Variants in AHCYL2 observed in about 807,000 individuals in gnomAD.
AHCYL2 encodes adenosylhomocysteinase like 2, also known as S-adenosylhomocysteine hydrolase-like protein 2.
AHCYL2 carries 28 observed loss-of-function variants against 81.4 expected under a neutral mutation model. The observed-to-expected ratio is 0.34, with a 90% CI of 0.25 to 0.47. AHCYL2 has a LOEUF of 0.47. Ranked by LOEUF, AHCYL2 falls within the 20% of genes least tolerant of loss-of-function variation. AHCYL2 has a pLI of 1.00. For synonymous variants in AHCYL2, 272 were observed against 290.2 expected, an observed-to-expected ratio of 0.94 and a Z score of 0.64; for missense variants, 551 against 785.1, an observed-to-expected ratio of 0.70 and a Z score of 3.56.
In AHCYL2 at chr7:129,397,088, G is replaced by A. The variant is rs962555439; in HGVS notation, c.721-134G>A. On this transcript the variant is annotated intron_variant, in intron 4 of 16. Transcript: ENST00000325006. Reference sequence around the variant, plus strand: ...CTTCTTAGAATACTGAAGAGGTTCTGTAGAGCCCAATTTGAAAATCACTGG... The same window carrying A: ...CTTCTTAGAATACTGAAGAGGTTCTATAGAGCCCAATTTGAAAATCACTGG... 5 of 698,236 alleles carry A rather than the reference G, an allele frequency of 7.2e-6. No homozygotes were observed. The African/African-American group carries it at 7.2e-5, about 10-fold the overall frequency. The allele number at this position is 698,236 out of a possible 1,614,324, so 43.3% of individuals were successfully genotyped here. A position where few individuals can be genotyped will look rare whatever the true frequency, so the allele number is the denominator to read the frequency against.
At position 129,365,628 on chromosome 7, in the gene AHCYL2, G is replaced by GTATATATATATATATATATATATATATA. The variant is rs10526470; in HGVS notation, c.364-13993_364-13992insATATATATATATATATATATATATATAT. 2.1e-3 allele frequency among the ~76,000 whole-genome samples: 257 copies of GTATATATATATATATATATATATATATA among 124,240 alleles called. 12 individuals are homozygous for GTATATATATATATATATATATATATATA. Among genetic ancestry groups the GTATATATATATATATATATATATATATA allele is most frequent in the South Asian group, 4.4e-3 (16 of 3,660 alleles). 81.5% of individuals were successfully genotyped at this position (124,240 alleles called of 152,430 possible). The stretch of plus-strand genomic sequence containing the variant: ...TAATACAGTTTACCTGGAGGATAGA[G>GTATATATATATATATATATATATATATA]TATATATATATATATATGGGTATGA... On this transcript the variant is annotated intron_variant, in intron 1 of 16. Coordinates refer to ENST00000325006, the MANE Select transcript of AHCYL2 (RefSeq NM_015328.4).
At position 129,406,010 on chromosome 7, in the gene AHCYL2, GAA is replaced by G. The variant is rs1191624478; in HGVS notation, c.1206+115_1206+116del. 2.0e-6 allele frequency: 2 copies of G among 1,018,062 alleles called. No individual in the cohort carries two copies. Among genetic ancestry groups the G allele is most frequent in the African/African-American group, 3.2e-5 (2 of 61,712 alleles). The allele number at this position is 1,018,062 out of a possible 1,614,324, so 63.1% of individuals were successfully genotyped here. On this transcript the variant is annotated intron_variant, in intron 9 of 16. Coordinates refer to ENST00000325006, the MANE Select transcript of AHCYL2 (RefSeq NM_015328.4). The surrounding 1 kb of genome is among the most constrained non-coding windows in gnomAD (Gnocchi z 4.3). ...GTACACCCTTTACCACTTTAGATGA[GAA>G]AAAGAATTTCAGAGGCCTTCTGGTT...
At chr7:129,233,226 C>G (rs138340849) in intron 1 of AHCYL2, among the ~76,000 whole-genome samples, 43 of 152,264 alleles carry the variant, frequency 2.8e-4, no homozygotes, top group African/African-American at 9.1e-4. Context: ...CCTCTCTCAC[C>G]CAGGCTGGAG....
rs1052024272 is a variant in AHCYL2, at chr7:129,419,589, A to G, written c.1462-3251A>G. On this transcript the variant is annotated intron_variant, in intron 12 of 16. Transcript: ENST00000325006. This position sits in a 1 kb window ranked among gnomAD's most constrained non-coding sequence, Gnocchi z 4.7. ...AGACCTGCTTACCCATGTGTATCAC[A>G]TAGAAGGCCTGTGTAATTGTAAGCT... Among the ~76,000 whole-genome samples the G allele has an allele frequency of 1.3e-5, 2 of 152,192 alleles. No homozygotes were observed. The highest frequency in any genetic ancestry group is 6.5e-5 in the Admixed American group (1 of 15,274).
At chr7:129,339,958 G>T (rs1343793093) in intron 1 of AHCYL2, among the ~76,000 whole-genome samples, 5 of 119,812 alleles carry the variant, frequency 4.2e-5, no homozygotes, top group Non-Finnish European at 8.0e-5. Flanking sequence ...TCGCTCCGTC[G>T]CCCAGGCTGG....
At chr7:129,283,577 A>T (rs1796524793) in intron 1 of AHCYL2, among the ~76,000 whole-genome samples, 1 of 152,172 alleles carries the variant, frequency 6.6e-6, no homozygotes, top group Non-Finnish European at 1.5e-5. Flanking sequence ...AATTTTCTAG[A>T]CTTTAAAATT....
At chr7:129,413,034 C>T (rs1796667207) in intron 11 of AHCYL2, among the ~76,000 whole-genome samples, 2 of 148,400 alleles carry the variant, frequency 1.3e-5, no homozygotes, top group South Asian at 4.3e-4. Flanking sequence ...AGAAATGGGA[C>T]TTTGCCATGT....
chr7:129,257,154 G>T (rs942084694), intron 1 of AHCYL2, among the ~76,000 whole-genome samples: 1 of 152,108 alleles, frequency 6.6e-6, no homozygotes, highest in East Asian at 1.9e-4. Context: ...AGAAAAACAT[G>T]AACTATAGAA....
chr7:129,418,174 G>A (rs1480610771), intron 12 of AHCYL2, among the ~76,000 whole-genome samples: 1 of 152,116 alleles, frequency 6.6e-6, no homozygotes, highest in Non-Finnish European at 1.5e-5. Context: ...AGGAGGTATA[G>A]GCTATGTAGA....
chr7:129,298,716 T>C (rs1394359003), intron 1 of AHCYL2, among the ~76,000 whole-genome samples: 1 of 152,250 alleles, frequency 6.6e-6, no homozygotes, highest in Admixed American at 6.5e-5. Context: ...ATATTTGTCA[T>C]TCTACCAAGT....
chr7:129,321,248 TAAG>T (rs1798002703), intron 1 of AHCYL2, among the ~76,000 whole-genome samples: 1 of 152,250 alleles, frequency 6.6e-6, no homozygotes, highest in Non-Finnish European at 1.5e-5. Flanking sequence ...TTCTCAATGT[TAAG>T]AAGAAAGCAT....
intron 1 of AHCYL2, among the ~76,000 whole-genome samples, chr7:129,348,834 T>C (rs552969035): frequency 6.6e-6 from 1 of 152,354 alleles, no homozygotes; most frequent in Admixed American, 6.5e-5. Flanking sequence ...AAATTTTGTA[T>C]AAGCATATGC....
chr7:129,253,854 A>G (rs999869850), intron 1 of AHCYL2, among the ~76,000 whole-genome samples: 1 of 152,202 alleles, frequency 6.6e-6, no homozygotes, highest in African/African-American at 2.4e-5. Context: ...TTCATGTTTC[A>G]TGCATTTTCA....
rs145809207 is a variant in AHCYL2 at position 129,368,609 on chromosome 7, T to C, written c.364-11029T>C. 3.5e-5 allele frequency: 53 copies of C among 1,532,088 alleles called. No individual in the cohort carries two copies. The East Asian group carries it at 3.5e-4, about 10-fold the overall frequency. The allele number at this position is 1,532,088 out of a possible 1,614,324, so 94.9% of individuals were successfully genotyped here. ...GTTTCTTGATAATGAGAGGCAACCA[T>C]TTCTGACGGGTGACAAGGATCACCT... On this transcript the variant is annotated intron_variant, in intron 1 of 16. Coordinates refer to ENST00000325006, the MANE Select transcript of AHCYL2 (RefSeq NM_015328.4). This position sits in a 1 kb window ranked among gnomAD's most constrained non-coding sequence, Gnocchi z 4.4.
At chr7:129,319,551 C>T (rs557219216) in intron 1 of AHCYL2, among the ~76,000 whole-genome samples, 4 of 152,236 alleles carry the variant, frequency 2.6e-5, no homozygotes, top group East Asian at 3.9e-4. Flanking sequence ...CTCAGATTAG[C>T]AAGTACCTGG....
At chr7:129,343,219 G>C (rs1793246344) in intron 1 of AHCYL2, among the ~76,000 whole-genome samples, 1 of 152,134 alleles carries the variant, frequency 6.6e-6, no homozygotes, top group South Asian at 2.1e-4. Flanking sequence ...TGTGAGTAGT[G>C]TTTATTAAAA....
intron 1 of AHCYL2, among the ~76,000 whole-genome samples, chr7:129,228,332 C>A (rs1198799177): frequency 6.6e-6 from 1 of 152,156 alleles, no homozygotes; most frequent in African/African-American, 2.4e-5. Flanking sequence ...AAACTTTTTA[C>A]AAGAGCCAGA....
intron 11 of AHCYL2, among the ~76,000 whole-genome samples, chr7:129,410,551 C>T (rs75316249): frequency 0.031 from 4,694 of 152,276 alleles, 92 homozygotes; most frequent in Middle Eastern, 0.078. Context: ...GCCCCTTCCC[C>T]GGGAAGCCAG....
In AHCYL2 at chr7:129,289,352, C is replaced by T. The variant is rs138003890; in HGVS notation, c.363+63913C>T. 6.6e-3 allele frequency among the ~76,000 whole-genome samples: 1,012 copies of T among 152,292 alleles called. 12 individuals are homozygous for T. Among genetic ancestry groups the T allele is most frequent in the African/African-American group, 0.023 (970 of 41,558 alleles). ...AGCAGTCCTCTTGCCTTGGCCTCTC[C>T]GAGTGTTGAGATTGCGGGCGCAAGC... On this transcript the variant is annotated intron_variant, in intron 1 of 16. Transcript: ENST00000325006.
Sources: gnomAD v4.1 joint callset for allele counts (sites outside exome capture counted in the v4.1 genomes callset) on GRCh38, gnomAD v4.1.1 for gene constraint, Gnocchi (gnomAD v3.1) non-coding constraint, MANE v1.5 for transcripts, NCBI Gene and HGNC (gene_info 2026-07-23, HGNC 2026-07-21) for gene names.